Variants in PCDHA11 observed in about 807,000 individuals in gnomAD.
PCDHA11 encodes protocadherin alpha 11.
Under a neutral mutation model 70.3 loss-of-function variants are expected in PCDHA11, and 61 were observed. The ratio of observed to expected loss-of-function variants is 0.87; its 90% CI spans 0.71 to 1.07. The LOEUF (loss-of-function observed/expected upper bound fraction) is 1.07, where lower values mean the gene tolerates loss of function less well. Among genes scored for constraint, PCDHA11 ranks in the 50% least tolerant of loss-of-function variants. The pLI is 0.00. For synonymous variants in PCDHA11, 633 were observed against 555.1 expected, an observed-to-expected ratio of 1.14 and a Z score of -1.97; for missense variants, 1,324 against 1,237.5, an observed-to-expected ratio of 1.07 and a Z score of -1.05.
At position 140,869,428 on chromosome 5, in the gene PCDHA11, A is replaced by G. The variant is rs781860422; in HGVS notation, c.325A>G (p.Ile109Val). The G allele has an allele frequency of 9.3e-6, 15 of 1,614,214 alleles. No individual in the cohort carries two copies. In the South Asian group the frequency reaches 1.6e-4, roughly 18 times the overall value. The change falls in exon 1 of 4, where the codon ATC (isoleucine) becomes GTC (valine). Residue 109 changes from isoleucine (I) to valine (V), a missense_variant. Transcript: ENST00000398640. ...SAECSIHLEVIVDRPLQVFHV... is the reference protein window; with the variant it reads ...SAECSIHLEVVVDRPLQVFHV... The stretch of plus-strand genomic sequence containing the variant: ...GGAGTGCAGCATCCACCTGGAGGTG[A>G]TCGTGGACAGGCCGCTGCAGGTTTT...
intron 1 of PCDHA11, chr5:140,929,001 G>A (rs782325865): frequency 6.2e-7 from 1 of 1,613,996 alleles, no homozygotes; most frequent in East Asian, 2.2e-5. Context: ...TTTTCTTCGT[G>A]TGTACCAAGT....
At chr5:140,897,580 G>A (rs1420816335) in intron 1 of PCDHA11, among the ~76,000 whole-genome samples, 1 of 151,964 alleles carries the variant, frequency 6.6e-6, no homozygotes, top group African/African-American at 2.4e-5. Flanking sequence ...TCTTAATCCA[G>A]TCTGTCATTG....
At chr5:140,938,930 A>T (rs2092272913) in intron 1 of PCDHA11, among the ~76,000 whole-genome samples, 1 of 152,066 alleles carries the variant, frequency 6.6e-6, no homozygotes, top group African/African-American at 2.4e-5. Flanking sequence ...ATTGGCTTTT[A>T]ACTTTCCATT....
At chr5:140,995,410 T>C (rs555899259) in intron 3 of PCDHA11, among the ~76,000 whole-genome samples, 1 of 152,310 alleles carries the variant, frequency 6.6e-6, no homozygotes, top group Non-Finnish European at 1.5e-5. Flanking sequence ...CGAGATTTCA[T>C]CACATTACTC....
intron 1 of PCDHA11, among the ~76,000 whole-genome samples, chr5:140,965,009 T>C (rs2153742434): frequency 6.6e-6 from 1 of 152,248 alleles, no homozygotes; most frequent in South Asian, 2.1e-4. Context: ...GGTGTCAGGA[T>C]CACAACCTTG....
rs576672695 is a variant in PCDHA11, at chr5:140,976,134, A to G, written c.2392-2815A>G. On this transcript the variant is annotated intron_variant, in intron 1 of 3. Transcript: ENST00000398640. ...TTTTCCAAGTTTAATCAAGTTCTGG[A>G]TGAAACTCATGTACATTTTACTACT... Among the ~76,000 whole-genome samples the G allele has an allele frequency of 2.0e-5, 3 of 152,348 alleles. No homozygotes were observed. In the East Asian group the frequency reaches 5.8e-4, roughly 29 times the overall value.
At chr5:140,968,252 C>A (rs201156874) in intron 1 of PCDHA11, 7 of 1,613,948 alleles carry the variant, frequency 4.3e-6, no homozygotes, top group Non-Finnish European at 8.5e-7. Context: ...AGCCACAGAC[C>A]CAGATGAAAA....
intron 1 of PCDHA11, chr5:140,877,734 G>A (rs2057311538): frequency 1.9e-6 from 3 of 1,614,070 alleles, no homozygotes; most frequent in African/African-American, 2.7e-5. Flanking sequence ...CGCAGCAGAG[G>A]AGGCAGAGGG....
chr5:140,877,698 C>T, intron 1 of PCDHA11: 2 of 1,613,958 alleles, frequency 1.2e-6, no homozygotes, highest in Non-Finnish European at 1.7e-6. Context: ...TGGTGTGCTC[C>T]AGCGCCGTGG....
rs371960819 is a variant in PCDHA11, at chr5:140,928,197, T to C, written c.2392-50752T>C. The C allele has an allele frequency of 1.9e-5, 30 of 1,614,192 alleles. 1 individual carries two copies. In the African/African-American group the frequency reaches 2.0e-4, roughly 11 times the overall value. On this transcript the variant is annotated intron_variant, in intron 1 of 3. Coordinates refer to ENST00000398640, the MANE Select transcript of PCDHA11 (RefSeq NM_018902.5). Reference sequence around the variant, plus strand: ...CCCGAAGGACAATCACTGTGTCAGTTGCTGATGTGAATGACAATACACCAA... The same window carrying C: ...CCCGAAGGACAATCACTGTGTCAGTCGCTGATGTGAATGACAATACACCAA...
chr5:141,005,697 G>A (rs1197870932), intron 3 of PCDHA11, among the ~76,000 whole-genome samples: 75 of 78,728 alleles, frequency 9.5e-4, no homozygotes, highest in Admixed American at 6.2e-4. Context: ...GCGAAACTCC[G>A]TCTCAAAAAA....
rs112749867 is a variant in PCDHA11 at position 140,870,111 on chromosome 5, G to T, written c.1008G>T (p.Trp336Cys). The change falls in exon 1 of 4, where the codon TGG becomes TGT. Residue 336 changes from tryptophan (W) to cysteine (C), a missense_variant. Trp to Cys is a radical substitution (Grantham distance 215, BLOSUM62 -2). Coordinates refer to ENST00000398640, the MANE Select transcript of PCDHA11 (RefSeq NM_018902.5). ...CAATGGCAGGTCACTGTACAGTCTG[G>T]GTGGAAATCTTGGACACCAACGATA... is the stretch of plus-strand genomic sequence containing the variant. ...TPPMAGHCTV[W>C]VEILDTNDNS... 32 of 1,613,880 alleles carry T rather than the reference G, an allele frequency of 2.0e-5. 1 individual carries two copies. In the African/African-American group the frequency reaches 2.0e-4, roughly 10 times the overall value.
At position 140,936,850 on chromosome 5, in the gene PCDHA11, CTTCTCAGT is replaced by C. The variant is rs1421923207; in HGVS notation, c.2392-42094_2392-42087del. Among the ~76,000 whole-genome samples the C allele has an allele frequency of 3.1e-4, 47 of 152,208 alleles. 1 individual carries two copies. Among genetic ancestry groups the C allele is most frequent in the African/African-American group, 1.1e-3 (46 of 41,532 alleles). On this transcript the variant is annotated intron_variant, in intron 1 of 3. Coordinates refer to ENST00000398640, the MANE Select transcript of PCDHA11 (RefSeq NM_018902.5). ...ATTTCTATATAAATTGTAGATTCAG[CTTCTCAGT>C]TTCTATTTTAAAAAACCCTGCTTTG... is the stretch of plus-strand genomic sequence containing the variant.
At position 140,871,292 on chromosome 5, in the gene PCDHA11, C is replaced by A. The variant is rs2052919411; in HGVS notation, c.2189C>A (p.Ala730Glu). Reference sequence around the variant, plus strand: ...TGGTCGGCAACGCCCACTGAGGGCGCGTGCGCGCCGGGGAAGCCCACGCTG... The same window carrying A: ...TGGTCGGCAACGCCCACTGAGGGCGAGTGCGCGCCGGGGAAGCCCACGCTG... ...LWWSATPTEG[A>E]CAPGKPTLVC... The change falls in exon 1 of 4, where the codon GCG becomes GAG. Residue 730 changes from alanine (A) to glutamate (E), a missense_variant. Coordinates refer to ENST00000398640, the MANE Select transcript of PCDHA11 (RefSeq NM_018902.5). 2 of 1,613,772 alleles carry A rather than the reference C, an allele frequency of 1.2e-6. No individual in the cohort carries two copies. The highest frequency in any genetic ancestry group is 8.5e-7 in the Non-Finnish European group (1 of 1,179,932).
intron 1 of PCDHA11, chr5:140,966,644 GCGTGAGCGGT>G (rs1554228519): frequency 3.3e-5 from 37 of 1,127,012 alleles, no homozygotes; most frequent in Non-Finnish European, 4.3e-5. Flanking sequence ...GCTTTCTAGA[GCGTGAGCGGT>G]GGGGGAGCAG....
chr5:140,982,666 T>G (rs2096995489), intron 3 of PCDHA11, 103 bp downstream of exon 3: 4 of 1,467,448 alleles, frequency 2.7e-6, no homozygotes. Context: ...TTCTTTTATA[T>G]TTTTGTTATT....
chr5:140,996,814 G>T (rs1186688734), intron 3 of PCDHA11, among the ~76,000 whole-genome samples: 1 of 152,144 alleles, frequency 6.6e-6, no homozygotes, highest in African/African-American at 2.4e-5. Flanking sequence ...CTTTCCAAAA[G>T]TAACCACTAC....
At chr5:140,924,901 AAAAATAAAAT>A (rs10667761) in intron 1 of PCDHA11, among the ~76,000 whole-genome samples, 1,500 of 80,408 alleles carry the variant, frequency 0.019, 14 homozygotes, top group African/African-American at 0.052. Context: ...TCTCAAAAAA[AAAAATAAAAT>A]AAAATAAAAT....
At chr5:140,903,302 T>C (rs1299735621) in intron 1 of PCDHA11, among the ~76,000 whole-genome samples, 2 of 152,136 alleles carry the variant, frequency 1.3e-5, no homozygotes, top group Admixed American at 6.5e-5. Flanking sequence ...AAATTTAGTA[T>C]ACAATAAAGA....
Sources: allele counts gnomAD v4.1 joint callset (sites outside exome capture counted in the v4.1 genomes callset), GRCh38; gene constraint gnomAD v4.1.1; transcripts MANE v1.5; gene names NCBI Gene and HGNC (gene_info 2026-07-23, HGNC 2026-07-21).